FNDC1: variants seen among roughly 807,000 people sequenced by gnomAD.
FNDC1 encodes fibronectin type III domain-containing protein 1.
A neutral mutation model predicts 168.0 loss-of-function variants in FNDC1; 96 were observed. The observed-to-expected ratio is 0.57, with a 90% confidence interval of 0.48 to 0.68. FNDC1 has a LOEUF of 0.68. FNDC1 is among the 30% of genes least tolerant of loss of function. The pLI, the probability that FNDC1 is intolerant of heterozygous loss-of-function variation, is 0.00. For missense variants in FNDC1, 2,587 were observed against 2,482.1 expected (o/e 1.04, Z -0.90); for synonymous variants, 1,099 against 1,025.9 (o/e 1.07, Z -1.36).
chr6:159,271,448 G>C lies in FNDC1; in HGVS notation c.*6G>C, dbSNP rs373711936. 6.3e-7 allele frequency: 1 copy of C among 1,594,352 alleles called. No homozygotes were observed. The highest frequency in any genetic ancestry group is 1.7e-5 in the Admixed American group (1 of 58,192). ...CCATCCCTGGAAAGTGGTAATCACA[G>C]GACCGTCATGCTGCAAGCTTGCCCT... On this transcript the variant is annotated 3_prime_UTR_variant, in exon 23 of 23. Transcript: ENST00000297267.
At position 159,261,177 on chromosome 6, in the gene FNDC1, C is replaced by A. The variant is rs747863673; in HGVS notation, c.5175-13C>A. ...ACATGTCTCTTTCAAAATATATCTT[C>A]TTCCAACTTCAGGTATTATTTTAAA... On this transcript the variant is annotated splice_polypyrimidine_tract_variant and intron_variant, in intron 18 of 22. Transcript: ENST00000297267. 6.3e-7 allele frequency: 1 copy of A among 1,594,386 alleles called. No homozygotes were observed. Among genetic ancestry groups the A allele is most frequent in the Admixed American group, 1.7e-5 (1 of 58,250 alleles).
intron 14 of FNDC1, among the ~76,000 whole-genome samples, chr6:159,243,795 G>A (rs1583906024): frequency 6.6e-6 from 1 of 152,042 alleles, no homozygotes; most frequent in Non-Finnish European, 1.5e-5. Context: ...AGCCAGGATG[G>A]TTCTATTTTA....
At chr6:159,235,969 C>G (rs535075204) in intron 11 of FNDC1, among the ~76,000 whole-genome samples, 8 of 152,374 alleles carry the variant, frequency 5.3e-5, no homozygotes, top group African/African-American at 1.2e-4. Flanking sequence ...GCCACACACT[C>G]TCATTCCCAC....
intron 1 of FNDC1, among the ~76,000 whole-genome samples, chr6:159,188,728 C>CA (rs1782062457): frequency 6.7e-6 from 1 of 148,716 alleles, no homozygotes; most frequent in Admixed American, 6.7e-5. Flanking sequence ...GGGGTAGCTT[C>CA]AAAAATGTTA....
intron 7 of FNDC1, 120 bp downstream of exon 7, chr6:159,223,765 T>C (rs1021833285): frequency 4.8e-6 from 3 of 619,792 alleles, no homozygotes; most frequent in Non-Finnish European, 8.6e-6. Context: ...CTTTTGTAGC[T>C]GAATAGCTGA....
chr6:159,252,635 A>T (rs1424208831), intron 17 of FNDC1, among the ~76,000 whole-genome samples: 2 of 152,208 alleles, frequency 1.3e-5, no homozygotes, highest in African/African-American at 4.8e-5. Context: ...ACCGCCGTGA[A>T]GTCTGTGGTG....
intron 14 of FNDC1, among the ~76,000 whole-genome samples, chr6:159,245,320 A>G (rs1480918296): frequency 6.6e-6 from 1 of 152,204 alleles, no homozygotes; most frequent in African/African-American, 2.4e-5. Flanking sequence ...GTGAAATTAT[A>G]TATACATAAA....
intron 6 of FNDC1, among the ~76,000 whole-genome samples, chr6:159,223,027 G>T (rs923524781): frequency 7.8e-6 from 1 of 128,712 alleles, no homozygotes; most frequent in Non-Finnish European, 1.6e-5. Flanking sequence ...TGGAGTTTTC[G>T]CTCTGTTGCC....
Position 159,169,553 on chromosome 6 carries a change from C to A in FNDC1, c.-44C>A. On this transcript the variant is annotated 5_prime_UTR_variant, in exon 1 of 23. In the 5' UTR this introduces an upstream ATG that the reference lacks. Transcript: ENST00000297267. This position sits in a 1 kb window ranked among gnomAD's most constrained non-coding sequence, Gnocchi z 6.8. The stretch of plus-strand genomic sequence containing the variant: ...TCCCCAGACTCCGGCCAGCGCCCCC[C>A]TGCCAGCCGCAAGCACCCAGCCCCG... 1 of 692,842 alleles carries A rather than the reference C, an allele frequency of 1.4e-6. No individual in the cohort carries two copies. The highest frequency in any genetic ancestry group is 1.8e-6 in the Non-Finnish European group (1 of 541,442). The allele number at this position is 692,842 out of a possible 1,614,324, so 42.9% of individuals were successfully genotyped here. A position where few individuals can be genotyped will look rare whatever the true frequency, so the allele number is the denominator to read the frequency against.
chr6:159,186,341 C>A (rs1016451523), intron 1 of FNDC1, among the ~76,000 whole-genome samples: 1 of 152,186 alleles, frequency 6.6e-6, no homozygotes, highest in African/African-American at 2.4e-5. Flanking sequence ...AACCTAGAAT[C>A]TAACACATTC....
At chr6:159,252,018 C>T (rs911194749) in intron 17 of FNDC1, among the ~76,000 whole-genome samples, 8 of 152,268 alleles carry the variant, frequency 5.3e-5, no homozygotes, top group African/African-American at 1.9e-4. Flanking sequence ...CCTTTCACGT[C>T]TGTTGGGTGC....
In FNDC1 at chr6:159,261,236, A is replaced by G. The variant is rs1159847842; in HGVS notation, c.5221A>G (p.Ile1741Val). The G allele has an allele frequency of 6.8e-6, 11 of 1,613,406 alleles. No homozygotes were observed. The highest frequency in any genetic ancestry group is 1.3e-5 in the African/African-American group (1 of 75,038). Residue 1741 changes from isoleucine (I) to valine (V), a missense_variant, in exon 19 of 23, where the codon ATC (isoleucine) becomes GTC (valine). Physicochemically the swap from Ile to Val is conservative, Grantham distance 29. Transcript: ENST00000297267. ...QAQNPHGYGPISPSVSFVTES... is the reference protein window; with the variant it reads ...QAQNPHGYGPVSPSVSFVTES... ...ACAAAATCCTCATGGCTACGGACCT[A>G]TCAGCCCTTCGGTCTCATTTGTCAC...
At chr6:159,269,499 T>TCCATCCATGCATCCATCTATCC (rs1562316090) in intron 22 of FNDC1, among the ~76,000 whole-genome samples, 43 of 87,410 alleles carry the variant, frequency 4.9e-4, no homozygotes, top group African/African-American at 1.1e-3. Flanking sequence ...TCTATCTATC[T>TCCATCCATGCATCCATCTATCC]ATCCATCCAT....
intron 4 of FNDC1, among the ~76,000 whole-genome samples, chr6:159,214,679 A>G (rs1782673071): frequency 6.6e-6 from 1 of 152,234 alleles, no homozygotes; most frequent in Non-Finnish European, 1.5e-5. Flanking sequence ...AAAACATCCA[A>G]GATTTCTGGC....
intron 18 of FNDC1, among the ~76,000 whole-genome samples, chr6:159,257,414 G>A (rs1777398081): frequency 6.6e-6 from 1 of 152,178 alleles, no homozygotes; most frequent in African/African-American, 2.4e-5. Context: ...GCCACCATGG[G>A]CTTGCAGACT....
chr6:159,200,423 A>G, intron 3 of FNDC1, 90 bp from the exon 4 acceptor site: 1 of 1,001,534 alleles, frequency 1.0e-6, no homozygotes, highest in South Asian at 1.5e-5. Flanking sequence ...GGTTGAAAAG[A>G]TCATTTAATT....
At chr6:159,265,054 A>G in intron 20 of FNDC1, 50 bp downstream of exon 20, 1 of 1,468,118 alleles carries the variant, frequency 6.8e-7, no homozygotes, top group Non-Finnish European at 9.4e-7. Flanking sequence ...CAAGTTGAAT[A>G]TTGAATATGA....
chr6:159,263,453 G>A (rs1180401401), intron 19 of FNDC1, among the ~76,000 whole-genome samples: 3 of 152,078 alleles, frequency 2.0e-5, no homozygotes, highest in Admixed American at 6.6e-5. Context: ...TACCTAGTTC[G>A]TGGCATTTTA....
At chr6:159,201,961 A>G (rs543822760) in intron 4 of FNDC1, among the ~76,000 whole-genome samples, 5 of 152,372 alleles carry the variant, frequency 3.3e-5, no homozygotes, top group African/African-American at 1.2e-4. Context: ...GTGTGTGCAC[A>G]CATGTGTATG....
Sources: allele counts gnomAD v4.1 joint callset (sites outside exome capture counted in the v4.1 genomes callset), GRCh38; gene constraint gnomAD v4.1.1; non-coding constraint Gnocchi (gnomAD v3.1); transcripts MANE v1.5; gene names NCBI Gene and HGNC (gene_info 2026-07-23, HGNC 2026-07-21).